CAND2: variants seen among roughly 807,000 people sequenced by gnomAD.
CAND2 encodes cullin-associated NEDD8-dissociated protein 2.
Under a neutral mutation model 98.9 loss-of-function variants are expected in CAND2, and 62 were observed. That is an observed-to-expected ratio of 0.63 (90% CI 0.51 to 0.77). CAND2 has a LOEUF of 0.77. CAND2 is among the 30% of genes least tolerant of loss of function. CAND2 has a pLI of 0.00. For synonymous variants in CAND2, 770 were observed against 731.9 expected (o/e 1.05, Z -0.84); for missense variants, 1,501 against 1,655.2 (o/e 0.91, Z 1.62).
At chr3:12,829,076 A>G (rs2062028959) in intron 13 of CAND2, among the ~76,000 whole-genome samples, 1 of 152,200 alleles carries the variant, frequency 6.6e-6, no homozygotes, top group Admixed American at 6.5e-5. Context: ...CAGAAGTGAA[A>G]TTGCTGGATC....
rs769315834 is a variant in CAND2, at chr3:12,831,477, A to G, written c.3388A>G (p.Ile1130Val). Residue 1130 changes from isoleucine (I) to valine (V), a missense_variant, in exon 14 of 15, where the codon ATC (isoleucine) becomes GTC (valine). Transcript: ENST00000456430. Reference sequence around the variant, plus strand: ...TTCCTCTGGGCAGATGCTGACCTTCATCATGGTTGCCCGGCTGGCCACCCT... The same window carrying G: ...TTCCTCTGGGCAGATGCTGACCTTCGTCATGGTTGCCCGGCTGGCCACCCT... ...DHYDIRMLTF[I>V]MVARLATLCP... is the part of the protein sequence containing the mutation. The G allele has an allele frequency of 5.6e-6, 9 of 1,613,768 alleles. No individual in the cohort carries two copies. In the South Asian group the frequency reaches 9.9e-5, roughly 18 times the overall value.
At chr3:12,796,935 A>C (rs1575759925) in intron 1 of CAND2, 147 bp downstream of exon 1, 17 of 617,758 alleles carry the variant, frequency 2.8e-5, no homozygotes, top group African/African-American at 9.2e-5. Context: ...CCCCCTCCCC[A>C]CAGGCCCACT....
chr3:12,799,378 T>C (rs1425575079), intron 1 of CAND2, among the ~76,000 whole-genome samples: 2 of 152,194 alleles, frequency 1.3e-5, no homozygotes, highest in Non-Finnish European at 2.9e-5. Context: ...GTATACTCAC[T>C]TAAAGCCAAA....
chr3:12,822,911 T>C (rs914059821), intron 11 of CAND2, among the ~76,000 whole-genome samples: 1 of 152,070 alleles, frequency 6.6e-6, no homozygotes, highest in Non-Finnish European at 1.5e-5. Flanking sequence ...TGTCCCTCCT[T>C]CTTTCCCTCC....
chr3:12,810,019 G>A, intron 4 of CAND2, 40 bp from the exon 5 acceptor site: 5 of 1,382,264 alleles, frequency 3.6e-6, no homozygotes, highest in Non-Finnish European at 4.7e-6. Flanking sequence ...CAGGTTGCCC[G>A]CGGAGTGCGA....
chr3:12,807,588 C>T lies in CAND2; in HGVS notation c.367+128C>T. 4 of 925,574 alleles carry T rather than the reference C, an allele frequency of 4.3e-6. No homozygotes were observed. The South Asian group carries it at 7.3e-5, about 17-fold the overall frequency. The allele number at this position is 925,574 out of a possible 1,614,324, so 57.3% of individuals were successfully genotyped here. ...AAGAGACATACCTGAGGTCACTCAG[C>T]TAGTAAGCAGGGCAGAGAATTCAGG... On this transcript the variant is annotated intron_variant, in intron 3 of 14. Coordinates refer to ENST00000456430, the MANE Select transcript of CAND2 (RefSeq NM_001162499.2).
chr3:12,802,703 A>G (rs1488811650), intron 1 of CAND2, among the ~76,000 whole-genome samples: 1 of 152,202 alleles, frequency 6.6e-6, no homozygotes, highest in Non-Finnish European at 1.5e-5. Context: ...ATCCACCATC[A>G]TGTGGCACTT....
Position 12,810,091 on chromosome 3 carries a change from G to A in CAND2, c.524G>A (p.Ser175Asn). The A allele has an allele frequency of 6.9e-7, 1 of 1,454,352 alleles. No individual in the cohort carries two copies. 90.1% of individuals were successfully genotyped at this position (1,454,352 alleles called of 1,614,324 possible). A position where few individuals can be genotyped will look rare whatever the true frequency, so the allele number is the denominator to read the frequency against. The change falls in exon 5 of 15, where the codon AGC becomes AAC. Residue 175 changes from serine to asparagine, a missense_variant. Physicochemically the swap from Ser to Asn is conservative, Grantham distance 46 (BLOSUM62 1). Coordinates refer to ENST00000456430, the MANE Select transcript of CAND2 (RefSeq NM_001162499.2). ...LGVPLGAFHA[S>N]LLHCLLPQLS... Reference sequence around the variant, plus strand: ...GTCCCGCTGGGCGCCTTCCACGCCAGCCTCCTGCACTGTCTGCTGCCACAG... The same window carrying A: ...GTCCCGCTGGGCGCCTTCCACGCCAACCTCCTGCACTGTCTGCTGCCACAG...
In CAND2 at chr3:12,816,910, T is replaced by C. The variant is rs761087384; in HGVS notation, c.1978T>C (p.Phe660Leu). Residue 660 changes from phenylalanine to leucine, a missense_variant, in exon 10 of 15, where the codon TTC becomes CTC. Physicochemically the swap from Phe to Leu is conservative, Grantham distance 22. This residue lies in a region of CAND2 where 1,427 missense variants were observed against 1,545.3 expected (regional missense o/e 0.92). Coordinates refer to ENST00000456430, the MANE Select transcript of CAND2 (RefSeq NM_001162499.2). Reference sequence around the variant, plus strand: ...CGAGGCACTGCACATTCTGGCCTCATTCCTGCGGAAGAACCAGCGGGCTTT... The same window carrying C: ...CGAGGCACTGCACATTCTGGCCTCACTCCTGCGGAAGAACCAGCGGGCTTT... ...LAEALHILAS[F>L]LRKNQRALRL... 6.2e-7 allele frequency: 1 copy of C among 1,613,826 alleles called. No individual in the cohort carries two copies. The highest frequency in any genetic ancestry group is 1.1e-5 in the South Asian group (1 of 91,082).
chr3:12,831,749 G>A (rs1312200509), intron 14 of CAND2, among the ~76,000 whole-genome samples, 177 bp downstream of exon 14: 1 of 152,226 alleles, frequency 6.6e-6, no homozygotes, highest in Non-Finnish European at 1.5e-5. Flanking sequence ...ATACACAGGG[G>A]AACAGAGGCT....
rs78729495 is a variant in CAND2 at position 12,820,717 on chromosome 3, C to T, written c.3040+536C>T. ...GGAACTGAGACCTCCCTCTGGGGCTCGGCAGGACCACTGGGTTTTTCCTAG... is the reference window on the plus strand; with the variant it reads ...GGAACTGAGACCTCCCTCTGGGGCTTGGCAGGACCACTGGGTTTTTCCTAG... On this transcript the variant is annotated intron_variant, in intron 11 of 14. Transcript: ENST00000456430. 2.4e-3 allele frequency among the ~76,000 whole-genome samples: 359 copies of T among 152,318 alleles called. 4 individuals are homozygous for T. The highest frequency in any genetic ancestry group is 8.2e-3 in the African/African-American group (339 of 41,572).
chr3:12,808,195 T>G lies in CAND2; in HGVS notation c.368-15T>G. On this transcript the variant is annotated splice_polypyrimidine_tract_variant and intron_variant, in intron 3 of 14. Coordinates refer to ENST00000456430, the MANE Select transcript of CAND2 (RefSeq NM_001162499.2). ...AGGCCAGGGCCTCACTGTGCCCACC[T>G]TGTGCCCTGTGCAGGCTCCGGGCTG... 1 of 1,550,556 alleles carries G rather than the reference T, an allele frequency of 6.4e-7. No homozygotes were observed. Among genetic ancestry groups the G allele is most frequent in the Non-Finnish European group, 8.7e-7 (1 of 1,146,732 alleles).
chr3:12,809,273 T>G (rs1288317152), intron 4 of CAND2, among the ~76,000 whole-genome samples: 7 of 151,990 alleles, frequency 4.6e-5, no homozygotes, highest in Admixed American at 4.6e-4. Flanking sequence ...CATGTTGAAC[T>G]TGAGGCTCCT....
chr3:12,817,364 T>A lies in CAND2; in HGVS notation c.2432T>A (p.Leu811His), dbSNP rs944391991. The A allele has an allele frequency of 1.2e-6, 2 of 1,613,684 alleles. No individual in the cohort carries two copies. The highest frequency in any genetic ancestry group is 1.3e-5 in the African/African-American group (1 of 74,950). Residue 811 changes from leucine to histidine, a missense_variant, in exon 10 of 15, where the codon CTC becomes CAC. Physicochemically the swap from Leu to His is moderately conservative, Grantham distance 99. Coordinates refer to ENST00000456430, the MANE Select transcript of CAND2 (RefSeq NM_001162499.2). ...TCATTGGCCCGGTGTGTGGCAGCCC[T>A]CTCAGCTGCCTGTCCCCAAGAGGCG... is the stretch of plus-strand genomic sequence containing the variant. Reference protein sequence around the residue: ...FHSLARCVAALSAACPQEAAS... With the variant: ...FHSLARCVAAHSAACPQEAAS...
In CAND2 at chr3:12,820,144, G is replaced by A. The variant is rs778162927; in HGVS notation, c.3003G>A (p.Gln1001=). ...CGGTCAAGTTCCTTATCTCGGACCA[G>A]CCCCATCCCATTGACCCCCTCCTGA... ...ITAVKFLISD[Q]PHPIDPLLKS... The change falls in exon 11 of 15, where the codon CAG becomes CAA. Residue 1001 remains glutamine (Q), a synonymous_variant. Coordinates refer to ENST00000456430, the MANE Select transcript of CAND2 (RefSeq NM_001162499.2). 6.2e-7 allele frequency: 1 copy of A among 1,614,158 alleles called. No individual in the cohort carries two copies. The highest frequency in any genetic ancestry group is 8.5e-7 in the Non-Finnish European group (1 of 1,180,026).
At chr3:12,816,251 C>T (rs2061899802) in intron 9 of CAND2, 123 bp from the exon 10 acceptor site, 4 of 1,038,286 alleles carry the variant, frequency 3.9e-6, no homozygotes, top group Non-Finnish European at 5.6e-6. Context: ...TTGGAAACTT[C>T]TGCAGAAGAG....
At chr3:12,832,534 G>C (rs932259519) in intron 14 of CAND2, 5 of 152,208 alleles carry the variant, frequency 3.3e-5, no homozygotes, top group Non-Finnish European at 7.3e-5. Context: ...GATGCTGTCT[G>C]TTGGGCATTG....
chr3:12,817,245 T>G lies in CAND2; in HGVS notation c.2313T>G (p.Cys771Trp), dbSNP rs1575773728. The G allele has an allele frequency of 2.5e-6, 4 of 1,613,904 alleles. No individual in the cohort carries two copies. The highest frequency in any genetic ancestry group is 3.4e-6 in the Non-Finnish European group (4 of 1,180,028). The change falls in exon 10 of 15, where the codon TGT becomes TGG. Residue 771 changes from cysteine to tryptophan, a missense_variant. By Grantham distance (215) the Cys-to-Trp change is radical (BLOSUM62 -2). Around this residue, in one of 3 missense-constraint regions of CAND2, gnomAD observed 1,427 missense variants for 1,545.3 expected, o/e 0.92. Coordinates refer to ENST00000456430, the MANE Select transcript of CAND2 (RefSeq NM_001162499.2). ...CCCTGGTAGGGACCCGTCCCCCGTG[T>G]GTGGACTATGCCAAACTCATCAGCC... ...LQALVGTRPPCVDYAKLISLL... is the reference protein window; with the variant it reads ...LQALVGTRPPWVDYAKLISLL...
At chr3:12,831,302 T>C (rs2062052009) in intron 13 of CAND2, among the ~76,000 whole-genome samples, 163 bp from the exon 14 acceptor site, 1 of 152,074 alleles carries the variant, frequency 6.6e-6, no homozygotes, top group Admixed American at 6.6e-5. Context: ...GTGTCACCAT[T>C]TGAGGAAACA....
Sources: gnomAD v4.1 joint callset for allele counts (sites outside exome capture counted in the v4.1 genomes callset) on GRCh38, gnomAD v4.1.1 for gene constraint, gnomAD v4.1.1 regional missense constraint, MANE v1.5 for transcripts, NCBI Gene and HGNC (gene_info 2026-07-23, HGNC 2026-07-21) for gene names.